The following ITSN2 variants were observed in gnomAD, a reference collection of about 807,000 sequenced individuals.
The protein encoded by ITSN2 is intersectin-2.
ITSN2 carries 156 observed loss-of-function variants against 243.7 expected under a neutral mutation model. The ratio of observed to expected loss-of-function variants is 0.64; its 90% confidence interval spans 0.56 to 0.73. The LOEUF is 0.73. Ranked by LOEUF, ITSN2 falls within the 30% of genes least tolerant of loss-of-function variation. ITSN2 has a pLI of 0.00. For missense variants in ITSN2, 1,801 were observed against 1,996.1 expected (o/e 0.90, Z 1.86); for synonymous variants, 703 against 699.9 (o/e 1.00, Z -0.07).
chr2:24,315,833 T>C (rs554078297), intron 2 of ITSN2, among the ~76,000 whole-genome samples: 18 of 152,340 alleles, frequency 1.2e-4, no homozygotes, highest in African/African-American at 3.1e-4. Flanking sequence ...ACACCTTAAG[T>C]TTCCTGAGGC....
intron 1 of ITSN2, chr2:24,330,759 A>C (rs562871469): frequency 2.2e-4 from 118 of 528,638 alleles, no homozygotes; most frequent in Non-Finnish European, 5.5e-5. Flanking sequence ...AAAAATGCAG[A>C]ATTTCATTTT....
intron 1 of ITSN2, among the ~76,000 whole-genome samples, chr2:24,331,253 A>T (rs1685750066): frequency 6.6e-6 from 1 of 150,634 alleles, no homozygotes; most frequent in East Asian, 2.0e-4. Flanking sequence ...TTGTATTTTT[A>T]GTAGAAATGG....
rs564974169 is a variant in ITSN2, at chr2:24,249,591, A to G, written c.3121-709T>C. Among the ~76,000 whole-genome samples the G allele has an allele frequency of 4.6e-5, 7 of 152,352 alleles. No individual in the cohort carries two copies. The highest frequency in any genetic ancestry group is 8.8e-5 in the Non-Finnish European group (6 of 68,020). ...AGTTAAAAGCTAACATTTTCTGAGT[A>G]CTGTATAACAGACACTGCTCTAAGA... On this transcript the variant is annotated intron_variant, in intron 25 of 39. Coordinates refer to ENST00000355123, the MANE Select transcript of ITSN2 (RefSeq NM_006277.3). This position sits in a 1 kb window ranked among gnomAD's most constrained non-coding sequence, Gnocchi z 4.4.
At chr2:24,248,960 G>C in intron 25 of ITSN2, 78 bp from the exon 26 acceptor site, 1 of 1,355,970 alleles carries the variant, frequency 7.4e-7, no homozygotes, top group Non-Finnish European at 1.0e-6. Flanking sequence ...ATGGGAATTA[G>C]AGATTTCAAA....
chr2:24,334,104 G>C (rs1686086367), intron 1 of ITSN2, among the ~76,000 whole-genome samples: 1 of 151,676 alleles, frequency 6.6e-6, no homozygotes, highest in Admixed American at 6.6e-5. Flanking sequence ...TGTCACCCAG[G>C]CTGGAGTGCA....
At chr2:24,297,448 T>C (rs988855810) in intron 13 of ITSN2, among the ~76,000 whole-genome samples, 3 of 152,206 alleles carry the variant, frequency 2.0e-5, no homozygotes, top group Non-Finnish European at 4.4e-5. Context: ...AACTGCTTAG[T>C]GGCCAGTATT....
chr2:24,290,645 C>A (rs1447108035), intron 15 of ITSN2, among the ~76,000 whole-genome samples: 1 of 151,936 alleles, frequency 6.6e-6, no homozygotes, highest in African/African-American at 2.4e-5. Flanking sequence ...TATTTCTGTA[C>A]ATAGAGAGCG....
At chr2:24,319,702 G>A (rs1574298403) in intron 2 of ITSN2, among the ~76,000 whole-genome samples, 1 of 152,244 alleles carries the variant, frequency 6.6e-6, no homozygotes, top group East Asian at 1.9e-4. Context: ...AGGAGGCTAT[G>A]TTAGAGGCAC....
chr2:24,320,914 T>C (rs78982199), intron 2 of ITSN2, among the ~76,000 whole-genome samples: 338 of 152,286 alleles, frequency 2.2e-3, no homozygotes, highest in Non-Finnish European at 3.7e-3. Context: ...CTTAATCAAA[T>C]GCTGCATAAA....
At position 24,216,236 on chromosome 2, in the gene ITSN2, C is replaced by G. The variant is rs756031597; in HGVS notation, c.3807-4G>C. 6.3e-7 allele frequency: 1 copy of G among 1,582,736 alleles called. No homozygotes were observed. On this transcript the variant is annotated splice_region_variant and splice_polypyrimidine_tract_variant and intron_variant, in intron 31 of 39. Coordinates refer to ENST00000355123, the MANE Select transcript of ITSN2 (RefSeq NM_006277.3). ...CTTCTTCCGCACCCGCAAAGCCCTG[C>G]CAAGAACACACTCTCATTTTGTGTT...
At chr2:24,295,269 T>C (rs1680796151) in intron 14 of ITSN2, among the ~76,000 whole-genome samples, 1 of 152,160 alleles carries the variant, frequency 6.6e-6, no homozygotes, top group Non-Finnish European at 1.5e-5. Flanking sequence ...GACTCAAGGT[T>C]ATTGACCCCC....
chr2:24,237,357 C>T (rs1253449149), intron 29 of ITSN2, among the ~76,000 whole-genome samples: 1 of 6,992 alleles, frequency 1.4e-4, no homozygotes, highest in Non-Finnish European at 3.3e-4. Context: ...TAATCTCTTT[C>T]TCATATAACC....
At position 24,339,465 on chromosome 2, in the gene ITSN2, C is replaced by T. The variant is rs567221152; in HGVS notation, c.-33-11350G>A. On this transcript the variant is annotated intron_variant, in intron 1 of 39. Coordinates refer to ENST00000355123, the MANE Select transcript of ITSN2 (RefSeq NM_006277.3). Reference sequence around the variant, plus strand: ...CAGCCTGAGCGACAGAGTGAGACGCCGTCTCAAAAAAAAAAAAAAAAAGAG... The same window carrying T: ...CAGCCTGAGCGACAGAGTGAGACGCTGTCTCAAAAAAAAAAAAAAAAAGAG... Among the ~76,000 whole-genome samples the T allele has an allele frequency of 1.1e-4, 16 of 141,560 alleles. No individual in the cohort carries two copies. The South Asian group carries it at 1.6e-3, about 14-fold the overall frequency. The allele number at this position is 141,560 out of a possible 152,430, so 92.9% of individuals were successfully genotyped here. A position where few individuals can be genotyped will look rare whatever the true frequency, so the allele number is the denominator to read the frequency against.
chr2:24,358,464 C>A (rs1393949839), intron 1 of ITSN2, among the ~76,000 whole-genome samples: 1 of 151,968 alleles, frequency 6.6e-6, no homozygotes, highest in Non-Finnish European at 1.5e-5. Flanking sequence ...GTTACGTGCT[C>A]GATAAATGAC....
rs376431936 is a variant in ITSN2 at position 24,286,247 on chromosome 2, G to A, written c.1828C>T (p.Leu610=). 58 of 1,601,202 alleles carry A rather than the reference G, an allele frequency of 3.6e-5. No homozygotes were observed. The highest frequency in any genetic ancestry group is 4.6e-5 in the Non-Finnish European group (54 of 1,170,062). ...DALEKETASK[L]SEMDSFNNQL... is the part of the protein sequence containing the mutation. ...TTGTTAAAAGAATCCATTTCTGACA[G>A]CTTAGATGCAGTTTCTTTTTCAAGA... The change falls in exon 16 of 40, where the codon CTG becomes TTG. Residue 610 remains leucine (L), a synonymous_variant. Transcript: ENST00000355123.
chr2:24,301,059 A>G (rs1192147104), intron 11 of ITSN2, 95 bp downstream of exon 11: 1 of 678,200 alleles, frequency 1.5e-6, no homozygotes, highest in Non-Finnish European at 2.4e-6. Flanking sequence ...CACATCAAAT[A>G]TTAAAAATAT....
chr2:24,312,247 G>A lies in ITSN2; in HGVS notation c.317C>T (p.Pro106Leu). The change falls in exon 5 of 40, where the codon CCC becomes CTC. Residue 106 changes from proline (P) to leucine (L), a missense_variant. Pro to Leu is a moderately conservative substitution (Grantham distance 98). Transcript: ENST00000355123. ...PVVLPPIMKQ[P>L]PMFSPLISAR... is the part of the protein sequence containing the mutation. The stretch of plus-strand genomic sequence containing the variant: ...AGAAATTAATGGAGAAAACATAGGG[G>A]GTTGCTTCATAATAGGAGGGAGAAC... The A allele has an allele frequency of 6.2e-7, 1 of 1,612,300 alleles. No homozygotes were observed. The highest frequency in any genetic ancestry group is 1.1e-5 in the South Asian group (1 of 90,788).
chr2:24,217,829 C>G (rs1459209485), intron 31 of ITSN2, 78 bp downstream of exon 31: 34 of 900,124 alleles, frequency 3.8e-5, no homozygotes, highest in Non-Finnish European at 4.4e-5. Flanking sequence ...CTAAGAAGCC[C>G]TTGCAGAGGG....
chr2:24,261,796 T>G, intron 20 of ITSN2, 54 bp from the exon 21 acceptor site: 2 of 1,323,108 alleles, frequency 1.5e-6, no homozygotes, highest in Non-Finnish European at 2.1e-6. Flanking sequence ...ACATTTACAA[T>G]GGAAAGAGAT....
Sources: gnomAD v4.1 joint callset for allele counts (sites outside exome capture counted in the v4.1 genomes callset) on GRCh38, gnomAD v4.1.1 for gene constraint, Gnocchi (gnomAD v3.1) non-coding constraint, MANE v1.5 for transcripts, NCBI Gene and HGNC (gene_info 2026-07-23, HGNC 2026-07-21) for gene names.